The following FBXL7 variants were observed in gnomAD, a reference collection of about 807,000 sequenced individuals.
The protein encoded by FBXL7 is F-box/LRR-repeat protein 7.
A neutral mutation model predicts 38.3 loss-of-function variants in FBXL7; 12 were observed. That is an observed-to-expected ratio of 0.31 (90% confidence interval 0.20 to 0.51). The LOEUF is 0.51. Among genes scored for constraint, FBXL7 ranks in the 20% least tolerant of loss-of-function variants. The pLI is 0.98. For missense variants in FBXL7, 567 were observed against 676.4 expected, an observed-to-expected ratio of 0.84 and a Z score of 1.79; for synonymous variants, 297 against 300.9, an observed-to-expected ratio of 0.99 and a Z score of 0.13.
intron 1 of FBXL7, among the ~76,000 whole-genome samples, chr5:15,578,635 C>T (rs1186385845): frequency 2.0e-5 from 3 of 152,096 alleles, no homozygotes; most frequent in Non-Finnish European, 4.4e-5. Flanking sequence ...CCCCGTGATG[C>T]TACAAGGGAT....
At chr5:15,543,848 G>A (rs538690426) in intron 1 of FBXL7, among the ~76,000 whole-genome samples, 8 of 152,232 alleles carry the variant, frequency 5.3e-5, no homozygotes, top group African/African-American at 1.4e-4. Flanking sequence ...AAATAGGCCC[G>A]GGAAATAAAT....
At chr5:15,627,434 T>G (rs943333831) in intron 2 of FBXL7, among the ~76,000 whole-genome samples, 1 of 151,978 alleles carries the variant, frequency 6.6e-6, no homozygotes, top group Non-Finnish European at 1.5e-5. Context: ...CTGGGAGAAA[T>G]CTCACTGGGT....
chr5:15,633,370 G>C (rs1198638212), intron 2 of FBXL7, among the ~76,000 whole-genome samples: 1 of 151,962 alleles, frequency 6.6e-6, no homozygotes, highest in African/African-American at 2.4e-5. Flanking sequence ...TTAGATTTTT[G>C]AATAATAATC....
intron 1 of FBXL7, among the ~76,000 whole-genome samples, chr5:15,516,401 T>C (rs920536828): frequency 6.6e-6 from 1 of 152,236 alleles, no homozygotes; most frequent in Non-Finnish European, 1.5e-5. Context: ...TGAGAAAATA[T>C]ATCAGGTGCT....
At chr5:15,772,350 G>C (rs1298207463) in intron 2 of FBXL7, among the ~76,000 whole-genome samples, 1 of 152,152 alleles carries the variant, frequency 6.6e-6, no homozygotes, top group African/African-American at 2.4e-5. Flanking sequence ...GAAAGGTGAA[G>C]GCAGCTTATA....
chr5:15,727,059 A>G (rs919681740), intron 2 of FBXL7, among the ~76,000 whole-genome samples: 16 of 152,120 alleles, frequency 1.1e-4, no homozygotes, highest in African/African-American at 3.9e-4. Context: ...TGCCATTCTA[A>G]TTTGAATTTA....
intron 2 of FBXL7, among the ~76,000 whole-genome samples, chr5:15,916,450 G>A (rs1741587373): frequency 6.6e-6 from 1 of 152,136 alleles, no homozygotes; most frequent in South Asian, 2.1e-4. Context: ...TGTGGGCCGT[G>A]AGCCCATCGA....
chr5:15,744,211 A>T (rs1050038630), intron 2 of FBXL7, among the ~76,000 whole-genome samples: 2 of 152,164 alleles, frequency 1.3e-5, no homozygotes, highest in Non-Finnish European at 2.9e-5. Context: ...TTTCTATCAC[A>T]TCATCAGGCT....
intron 2 of FBXL7, among the ~76,000 whole-genome samples, chr5:15,734,471 CAT>C (rs1279993320): frequency 6.6e-6 from 1 of 152,190 alleles, no homozygotes; most frequent in African/African-American, 2.4e-5. Flanking sequence ...TATTGTAAGA[CAT>C]ATAGGAGTGG....
intron 1 of FBXL7, among the ~76,000 whole-genome samples, chr5:15,566,846 C>T (rs914690228): frequency 6.6e-6 from 1 of 152,110 alleles, no homozygotes; most frequent in Admixed American, 6.6e-5. Context: ...CTGTTGGGGA[C>T]TTGCAAATCA....
chr5:15,549,880 A>G (rs1015154960), intron 1 of FBXL7, among the ~76,000 whole-genome samples: 1 of 152,140 alleles, frequency 6.6e-6, no homozygotes, highest in African/African-American at 2.4e-5. Context: ...TGGCCATTGC[A>G]GTTGGGGTGC....
chr5:15,739,219 C>G (rs1457616453), intron 2 of FBXL7, among the ~76,000 whole-genome samples: 1 of 152,146 alleles, frequency 6.6e-6, no homozygotes, highest in Non-Finnish European at 1.5e-5. Flanking sequence ...ATTTCAGACT[C>G]CTTGCTGCTG....
Position 15,937,113 on chromosome 5 carries a change from T to G in FBXL7, c.1403T>G (p.Val468Gly). The change falls in exon 4 of 4, where the codon GTG (valine) becomes GGG (glycine). Residue 468 changes from valine to glycine, a missense_variant. Physicochemically the swap from Val to Gly is moderately radical, Grantham distance 109. Coordinates refer to ENST00000504595, the MANE Select transcript of FBXL7 (RefSeq NM_012304.5). ...TLNVQDCEVS[V>G]EALRFVKRHC... is the part of the protein sequence containing the mutation. ...AATGTCCAGGACTGCGAGGTCTCCG[T>G]GGAGGCCCTGCGCTTTGTCAAACGC... 1 of 1,613,620 alleles carries G rather than the reference T, an allele frequency of 6.2e-7. No individual in the cohort carries two copies. Among genetic ancestry groups the G allele is most frequent in the Non-Finnish European group, 8.5e-7 (1 of 1,179,720 alleles).
At chr5:15,701,290 T>A (rs1310695154) in intron 2 of FBXL7, among the ~76,000 whole-genome samples, 3 of 152,216 alleles carry the variant, frequency 2.0e-5, no homozygotes, top group Non-Finnish European at 4.4e-5. Context: ...AAATAACACT[T>A]CAAATAGTCC....
At chr5:15,519,383 G>A (rs984045667) in intron 1 of FBXL7, among the ~76,000 whole-genome samples, 9 of 151,258 alleles carry the variant, frequency 6.0e-5, no homozygotes, top group East Asian at 1.9e-4. Context: ...AAATTCTCCC[G>A]ATGTGGTCCA....
chr5:15,512,464 G>A (rs556240335), intron 1 of FBXL7, among the ~76,000 whole-genome samples: 1 of 152,260 alleles, frequency 6.6e-6, no homozygotes, highest in African/African-American at 2.4e-5. Context: ...TGGATCTATA[G>A]CCATGATCTT....
chr5:15,750,396 A>ATGTGGG (rs1736125132), intron 2 of FBXL7, among the ~76,000 whole-genome samples: 1 of 151,910 alleles, frequency 6.6e-6, no homozygotes. Flanking sequence ...GGGGAGGAGG[A>ATGTGGG]CATGTGCCTT....
intron 2 of FBXL7, among the ~76,000 whole-genome samples, chr5:15,675,414 A>G (rs1037061181): frequency 6.6e-6 from 1 of 152,230 alleles, no homozygotes; most frequent in Non-Finnish European, 1.5e-5. Flanking sequence ...AATTTCTTCT[A>G]GATATACTGG....
At chr5:15,617,514 TGC>T (rs1240683750) in intron 2 of FBXL7, among the ~76,000 whole-genome samples, 1 of 152,008 alleles carries the variant, frequency 6.6e-6, no homozygotes, top group East Asian at 1.9e-4. Flanking sequence ...TAGGGTGGAG[TGC>T]CGTGGCACGA....
Sources: allele counts gnomAD v4.1 joint callset (sites outside exome capture counted in the v4.1 genomes callset), GRCh38; gene constraint gnomAD v4.1.1; transcripts MANE v1.5; gene names NCBI Gene and HGNC (gene_info 2026-07-23, HGNC 2026-07-21).